The following PTPRO variants were observed in gnomAD, a reference collection of about 807,000 sequenced individuals.
The protein encoded by PTPRO is protein tyrosine phosphatase receptor type O.
Under a neutral mutation model 145.2 loss-of-function variants are expected in PTPRO, and 62 were observed. The ratio of observed to expected loss-of-function variants is 0.43; its 90% CI spans 0.35 to 0.53. The LOEUF is 0.53. PTPRO is among the 20% of genes least tolerant of loss of function. The pLI is 0.01. For synonymous variants in PTPRO, 565 were observed against 514.7 expected (o/e 1.10, Z -1.32); for missense variants, 1,345 against 1,482.7 (o/e 0.91, Z 1.53).
At chr12:15,541,028 A>G (rs1020133497) in intron 12 of PTPRO, among the ~76,000 whole-genome samples, 2 of 152,200 alleles carry the variant, frequency 1.3e-5, no homozygotes, top group Non-Finnish European at 2.9e-5. Context: ...AAACAACCCT[A>G]TATCTATACC....
At chr12:15,379,922 T>C (rs1209244765) in intron 1 of PTPRO, among the ~76,000 whole-genome samples, 1 of 151,966 alleles carries the variant, frequency 6.6e-6, no homozygotes, top group African/African-American at 2.4e-5. Flanking sequence ...AATTGTGCAC[T>C]TAAAATGAAT....
chr12:15,414,078 A>G (rs1225664002), intron 1 of PTPRO, among the ~76,000 whole-genome samples: 4 of 152,188 alleles, frequency 2.6e-5, no homozygotes, highest in Admixed American at 2.0e-4. Flanking sequence ...CTTTGTGCAG[A>G]TATTTATCCG....
intron 1 of PTPRO, among the ~76,000 whole-genome samples, chr12:15,422,756 C>G (rs529225322): frequency 6.6e-6 from 1 of 152,170 alleles, no homozygotes; most frequent in East Asian, 1.9e-4. Context: ...AATAAAGAAG[C>G]TGGGCAATAA....
intron 1 of PTPRO, among the ~76,000 whole-genome samples, chr12:15,359,445 G>C: frequency 1.1e-5 from 1 of 94,836 alleles, no homozygotes; most frequent in African/African-American, 4.5e-5. Flanking sequence ...TTTTTTTTGA[G>C]ATGGAGTCTC....
At chr12:15,567,185 C>G (rs1403115731) in intron 18 of PTPRO, among the ~76,000 whole-genome samples, 1 of 152,014 alleles carries the variant, frequency 6.6e-6, no homozygotes, top group Non-Finnish European at 1.5e-5. Flanking sequence ...CGGCTTCCAC[C>G]TTCCCCCCTC....
chr12:15,495,659 A>G (rs1942084182), intron 2 of PTPRO, among the ~76,000 whole-genome samples: 1 of 151,980 alleles, frequency 6.6e-6, no homozygotes, highest in African/African-American at 2.4e-5. Context: ...GGAAACACCA[A>G]CTCCAAAAGA....
chr12:15,417,694 C>T (rs1018249247), intron 1 of PTPRO, among the ~76,000 whole-genome samples: 1 of 151,706 alleles, frequency 6.6e-6, no homozygotes, highest in South Asian at 2.1e-4. Flanking sequence ...CACTCCAGTT[C>T]CTTCTTAGAA....
At chr12:15,345,225 T>C (rs1322324234) in intron 1 of PTPRO, among the ~76,000 whole-genome samples, 2 of 152,228 alleles carry the variant, frequency 1.3e-5, no homozygotes. Flanking sequence ...GTTGATACTA[T>C]ACAATACAAA....
chr12:15,567,095 A>G (rs74062874), intron 18 of PTPRO, among the ~76,000 whole-genome samples: 3,426 of 152,286 alleles, frequency 0.022, 127 homozygotes, highest in African/African-American at 0.078. Context: ...AAGAAGGAGA[A>G]GCAAGACCCA....
At chr12:15,372,699 G>A (rs1938566014) in intron 1 of PTPRO, among the ~76,000 whole-genome samples, 1 of 152,112 alleles carries the variant, frequency 6.6e-6, no homozygotes, top group Non-Finnish European at 1.5e-5. Context: ...GTTGTGGGTG[G>A]AGTGGAGGTA....
intron 3 of PTPRO, among the ~76,000 whole-genome samples, chr12:15,497,988 G>A (rs1017515752): frequency 1.1e-4 from 16 of 152,114 alleles, no homozygotes; most frequent in African/African-American, 2.9e-4. Context: ...CTGGGTGGAA[G>A]GGGCTAGAGG....
intron 1 of PTPRO, among the ~76,000 whole-genome samples, chr12:15,452,445 C>T (rs1289312546): frequency 6.6e-6 from 1 of 152,108 alleles, no homozygotes; most frequent in Non-Finnish European, 1.5e-5. Flanking sequence ...ATCCTGTTGA[C>T]ACTATTCCAC....
At chr12:15,550,571 C>T (rs574291467) in intron 14 of PTPRO, among the ~76,000 whole-genome samples, 1 of 152,242 alleles carries the variant, frequency 6.6e-6, no homozygotes, top group Middle Eastern at 3.4e-3. Flanking sequence ...AAATGAGGCC[C>T]ATAGGGCAGA....
intron 24 of PTPRO, among the ~76,000 whole-genome samples, chr12:15,588,254 GA>G (rs1476495299): frequency 6.6e-6 from 1 of 152,182 alleles, no homozygotes; most frequent in Non-Finnish European, 1.5e-5. Context: ...TCCTGGGAGG[GA>G]AGAGTTGTCT....
chr12:15,534,609 G>A (rs1304831114), intron 12 of PTPRO, among the ~76,000 whole-genome samples: 1 of 152,164 alleles, frequency 6.6e-6, no homozygotes, highest in Admixed American at 6.6e-5. Context: ...AAGCCATGGA[G>A]GCTATGGTCT....
At position 15,508,710 on chromosome 12, in the gene PTPRO, G is replaced by A. The variant is rs374762723; in HGVS notation, c.1407G>A (p.Ser469=). The change falls in exon 7 of 27, where the codon TCG becomes TCA. Residue 469 remains serine (S), a synonymous_variant. Coordinates refer to ENST00000281171, the MANE Select transcript of PTPRO (RefSeq NM_030667.3). ...ACAGCACCATTGTGTCTGTGGTGTC[G>A]CTGACCTGCCAGAAACAAAAGGAGA... ...NYNSTIVSVV[S]LTCQKQKESQ... is the part of the protein sequence containing the mutation. 139 of 1,613,984 alleles carry A rather than the reference G, an allele frequency of 8.6e-5. No individual in the cohort carries two copies. Among genetic ancestry groups the A allele is most frequent in the East Asian group, 4.9e-4 (22 of 44,868 alleles).
At chr12:15,483,064 A>AT (rs1278229673) in intron 1 of PTPRO, among the ~76,000 whole-genome samples, 1 of 152,044 alleles carries the variant, frequency 6.6e-6, no homozygotes, top group African/African-American at 2.4e-5. Flanking sequence ...AGTTTCAGCA[A>AT]TTTTTCCACC....
rs1434614614 is a variant in PTPRO at position 15,588,941 on chromosome 12, C to G, written c.3411-514C>G. On this transcript the variant is annotated intron_variant, in intron 24 of 26. Transcript: ENST00000281171. ...GTAGCCATGATAGTCAGAAATGTGACATTAGAAGGAACACCAACCACAACT... is the reference window on the plus strand; with the variant it reads ...GTAGCCATGATAGTCAGAAATGTGAGATTAGAAGGAACACCAACCACAACT... Among the ~76,000 whole-genome samples the G allele has an allele frequency of 2.0e-5, 3 of 152,284 alleles. No individual in the cohort carries two copies. In the East Asian group the frequency reaches 5.8e-4, roughly 29 times the overall value.
At chr12:15,509,859 G>A (rs764596907) in intron 7 of PTPRO, among the ~76,000 whole-genome samples, 15 of 152,184 alleles carry the variant, frequency 9.9e-5, no homozygotes, top group African/African-American at 1.9e-4. Context: ...CAGAAGGAAC[G>A]CATATGCCAG....
Sources: allele counts gnomAD v4.1 joint callset (sites outside exome capture counted in the v4.1 genomes callset), GRCh38; gene constraint gnomAD v4.1.1; transcripts MANE v1.5; gene names NCBI Gene and HGNC (gene_info 2026-07-23, HGNC 2026-07-21).